The following MINDY4 variants were observed in gnomAD, a reference collection of about 807,000 sequenced individuals.
MINDY4 encodes MINDY lysine 48 deubiquitinase 4, also known as probable ubiquitin carboxyl-terminal hydrolase MINDY-4.
A neutral mutation model predicts 87.0 loss-of-function variants in MINDY4; 68 were observed. The ratio of observed to expected loss-of-function variants is 0.78; its 90% CI spans 0.64 to 0.96. MINDY4 has a LOEUF of 0.96. MINDY4 is among the 40% of genes least tolerant of loss of function. The pLI is 0.00. For synonymous variants in MINDY4, 379 were observed against 363.2 expected (o/e 1.04, Z -0.50); for missense variants, 919 against 928.2 (o/e 0.99, Z 0.13).
At position 30,891,957 on chromosome 7, in the gene MINDY4, G is replaced by A; in HGVS notation, c.2226G>A (p.Lys742=). 3 of 1,614,106 alleles carry A rather than the reference G, an allele frequency of 1.9e-6. No homozygotes were observed. The highest frequency in any genetic ancestry group is 2.5e-6 in the Non-Finnish European group (3 of 1,180,004). The change falls in exon 18 of 18, where the codon AAG becomes AAA. Residue 742 remains lysine, a splice_region_variant and synonymous_variant. Transcript: ENST00000265299. ...GTCTCTCTCCTCACTCTACGCTTAG[G>A]TGGAAGGGGGCATCAGTGAACTGGA... ...VPPLELCIRT[K]WKGASVNWNG... is the part of the protein sequence containing the mutation.
Position 30,778,460 on chromosome 7 carries a change from AC to A in MINDY4, c.94del (p.Gln32ArgfsTer10). On this transcript the variant is annotated frameshift_variant, in exon 2 of 18. Coordinates refer to ENST00000265299, the MANE Select transcript of MINDY4 (RefSeq NM_032222.3). LOFTEE classifies it high-confidence loss of function. ...TTAAAGAAGACATGTGTGACCATGGACCAGGAACGCCCACGCTCTGACCTCA... is the reference window on the plus strand; with the variant it reads ...TTAAAGAAGACATGTGTGACCATGGACAGGAACGCCCACGCTCTGACCTCA... ...KGLKKTCVTM[D>X]QERPRSDLSI... 6.2e-7 allele frequency: 1 copy of A among 1,614,224 alleles called. No homozygotes were observed. Among genetic ancestry groups the A allele is most frequent in the Non-Finnish European group, 8.5e-7 (1 of 1,180,026 alleles).
At chr7:30,775,394 A>T (rs952764097) in intron 1 of MINDY4, among the ~76,000 whole-genome samples, 1 of 152,208 alleles carries the variant, frequency 6.6e-6, no homozygotes. Flanking sequence ...CAATTCAGGA[A>T]CAGCCAGATG....
At chr7:30,881,908 A>C (rs1377604717) in intron 15 of MINDY4, among the ~76,000 whole-genome samples, 5 of 152,092 alleles carry the variant, frequency 3.3e-5, no homozygotes, top group Admixed American at 6.5e-5. Flanking sequence ...ACTGGGAACC[A>C]TTAGATGTGG....
intron 9 of MINDY4, among the ~76,000 whole-genome samples, chr7:30,841,077 CT>C (rs1167528395): frequency 6.6e-6 from 1 of 152,086 alleles, no homozygotes; most frequent in Non-Finnish European, 1.5e-5. Context: ...GGTGCTCCAC[CT>C]GGGAAGGGGC....
chr7:30,792,400 G>A (rs1204548513), intron 5 of MINDY4, among the ~76,000 whole-genome samples: 1 of 152,332 alleles, frequency 6.6e-6, no homozygotes, highest in East Asian at 1.9e-4. Context: ...TATGCTAGAA[G>A]TGGTCCCTCT....
intron 2 of MINDY4, 96 bp downstream of exon 2, chr7:30,778,647 G>C: frequency 2.8e-6 from 4 of 1,418,458 alleles, no homozygotes; most frequent in Non-Finnish European, 2.0e-6. Flanking sequence ...GAGGCTTGAG[G>C]TTCTCCTGGC....
intron 5 of MINDY4, among the ~76,000 whole-genome samples, chr7:30,817,586 T>TGCTGTGTGCATAC (rs1192580995): frequency 6.6e-6 from 1 of 152,070 alleles, no homozygotes; most frequent in Non-Finnish European, 1.5e-5. Context: ...CTCCAGTGTT[T>TGCTGTGTGCATAC]GCTGTGTGCA....
Position 30,839,273 on chromosome 7 carries a change from T to C in MINDY4, c.1313T>C (p.Phe438Ser). 4 of 1,612,740 alleles carry C rather than the reference T, an allele frequency of 2.5e-6. No individual in the cohort carries two copies. The highest frequency in any genetic ancestry group is 3.4e-6 in the Non-Finnish European group (4 of 1,179,522). Reference sequence around the variant, plus strand: ...GAATGGAAACTTCAGAGTTTTTCCTTTAGTAACACAGCCTCATTAAAATAC... The same window carrying C: ...GAATGGAAACTTCAGAGTTTTTCCTCTAGTAACACAGCCTCATTAAAATAC... ...NEEWKLQSFS[F>S]SNTASLKYGI... Residue 438 changes from phenylalanine (F) to serine (S), a missense_variant, in exon 8 of 18, where the codon TTT (phenylalanine) becomes TCT (serine). Transcript: ENST00000265299.
At chr7:30,776,264 A>G (rs1040215880) in intron 1 of MINDY4, among the ~76,000 whole-genome samples, 1 of 151,766 alleles carries the variant, frequency 6.6e-6, no homozygotes, top group Non-Finnish European at 1.5e-5. Context: ...TGACTTCCTT[A>G]CCTCCTTTCC....
intron 10 of MINDY4, among the ~76,000 whole-genome samples, chr7:30,851,411 G>A (rs1035234144): frequency 6.6e-6 from 1 of 152,212 alleles, no homozygotes; most frequent in African/African-American, 2.4e-5. Flanking sequence ...AAATGAGTCA[G>A]TATAAAGAAA....
chr7:30,791,376 A>C lies in MINDY4; in HGVS notation c.875A>C (p.His292Pro). The change falls in exon 5 of 18, where the codon CAT (histidine) becomes CCT (proline). Residue 292 changes from histidine (H) to proline (P), a missense_variant. Transcript: ENST00000265299. The stretch of plus-strand genomic sequence containing the variant: ...AAAACCACTGCCAGCAGCCCTCCCC[A>C]TCTGCCCAGCAAACGGCTGCCCCCA... ...RQKTTASSPP[H>P]LPSKRLPPWD... is the part of the protein sequence containing the mutation. 1 of 1,614,032 alleles carries C rather than the reference A, an allele frequency of 6.2e-7. No homozygotes were observed. The highest frequency in any genetic ancestry group is 8.5e-7 in the Non-Finnish European group (1 of 1,179,996).
intron 9 of MINDY4, among the ~76,000 whole-genome samples, chr7:30,846,832 C>G (rs538610819): frequency 1.3e-5 from 2 of 152,182 alleles, no homozygotes; most frequent in East Asian, 3.8e-4. Context: ...ATAAGGAGCG[C>G]GCAACCTAGA....
intron 9 of MINDY4, among the ~76,000 whole-genome samples, chr7:30,847,373 G>A (rs1020229603): frequency 6.6e-6 from 1 of 152,178 alleles, no homozygotes; most frequent in Admixed American, 6.5e-5. Context: ...TGTAGGATGA[G>A]GGGACAGGCC....
intron 6 of MINDY4, among the ~76,000 whole-genome samples, chr7:30,833,956 C>T (rs949444136): frequency 7.9e-5 from 12 of 152,258 alleles, no homozygotes; most frequent in African/African-American, 2.9e-4. Flanking sequence ...AGCTCTGCCC[C>T]TGTGGCTTTG....
At position 30,816,595 on chromosome 7, in the gene MINDY4, T is replaced by C. The variant is rs73689303; in HGVS notation, c.1074-12084T>C. ...TTCCAGGAGGATGCGGGGCCATCCG[T>C]TTCTCCCTCCCTCCCGCCCCCCTGC... On this transcript the variant is annotated intron_variant, in intron 5 of 17. Coordinates refer to ENST00000265299, the MANE Select transcript of MINDY4 (RefSeq NM_032222.3). Among the ~76,000 whole-genome samples, 1,247 of 152,036 alleles carry C rather than the reference T, an allele frequency of 8.2e-3. 17 individuals are homozygous for C. Among genetic ancestry groups the C allele is most frequent in the African/African-American group, 0.029 (1,190 of 41,410 alleles).
At chr7:30,772,026 G>A (rs186382976) in intron 1 of MINDY4, among the ~76,000 whole-genome samples, 1 of 152,276 alleles carries the variant, frequency 6.6e-6, no homozygotes. Flanking sequence ...AGTCATTTTA[G>A]TCAACAGTGG....
At chr7:30,875,751 C>G in intron 15 of MINDY4, 95 bp downstream of exon 15, 2 of 1,382,686 alleles carry the variant, frequency 1.4e-6, no homozygotes, top group Non-Finnish European at 2.0e-6. Context: ...CTCCACTTCT[C>G]AGAGCTGGCT....
chr7:30,814,395 G>A (rs1177342699), intron 5 of MINDY4, among the ~76,000 whole-genome samples: 1 of 152,168 alleles, frequency 6.6e-6, no homozygotes, highest in East Asian at 1.9e-4. Context: ...TCAACCTTTA[G>A]AATGAACAAA....
intron 17 of MINDY4, among the ~76,000 whole-genome samples, chr7:30,889,207 A>G (rs1790721067): frequency 6.6e-6 from 1 of 152,202 alleles, no homozygotes; most frequent in South Asian, 2.1e-4. Flanking sequence ...AAGCTTTTTA[A>G]TGACACACTC....
Sources: gnomAD v4.1 joint callset for allele counts (sites outside exome capture counted in the v4.1 genomes callset) on GRCh38, gnomAD v4.1.1 for gene constraint, MANE v1.5 for transcripts, NCBI Gene and HGNC (gene_info 2026-07-23, HGNC 2026-07-21) for gene names.